The following SORCS1 variants were observed in gnomAD, a reference collection of about 807,000 sequenced individuals.
SORCS1 encodes VPS10 domain-containing receptor SorCS1.
In SORCS1, 60 loss-of-function variants were observed where a neutral mutation model predicts 146.1. That is an observed-to-expected ratio of 0.41 (90% CI 0.33 to 0.51). The LOEUF (loss-of-function observed/expected upper bound fraction) is 0.51. Among genes scored for constraint, SORCS1 ranks in the 20% least tolerant of loss-of-function variants. SORCS1 has a pLI of 0.21. For synonymous variants in SORCS1, 637 were observed against 584.0 expected, an observed-to-expected ratio of 1.09 and a Z score of -1.31; for missense variants, 1,352 against 1,487.6, an observed-to-expected ratio of 0.91 and a Z score of 1.50.
intron 1 of SORCS1, among the ~76,000 whole-genome samples, chr10:107,134,933 G>A (rs1271331575): frequency 6.6e-6 from 1 of 152,164 alleles, no homozygotes; most frequent in Non-Finnish European, 1.5e-5. Context: ...AGAAAAAGGT[G>A]CTGTGGGAAT....
chr10:107,134,554 G>GAC (rs1967120236), intron 1 of SORCS1, among the ~76,000 whole-genome samples: 1 of 152,094 alleles, frequency 6.6e-6, no homozygotes, highest in African/African-American at 2.4e-5. Context: ...CAGGAGAATG[G>GAC]CTTGAACCTG....
chr10:106,871,710 A>G lies in SORCS1; in HGVS notation c.627-42037T>C, dbSNP rs927571337. Among the ~76,000 whole-genome samples, 4 of 152,204 alleles carry G rather than the reference A, an allele frequency of 2.6e-5. No homozygotes were observed. The South Asian group carries it at 6.2e-4, about 24-fold the overall frequency. ...AAATGATGAGCACTCATGAACACCAACAAGGGAATAATAGATTCTGGGGTG... is the reference window on the plus strand; with the variant it reads ...AAATGATGAGCACTCATGAACACCAGCAAGGGAATAATAGATTCTGGGGTG... On this transcript the variant is annotated intron_variant, in intron 2 of 25. Transcript: ENST00000263054.
chr10:106,872,873 AAAATT>A (rs1326460088), intron 2 of SORCS1, among the ~76,000 whole-genome samples: 1 of 152,204 alleles, frequency 6.6e-6, no homozygotes, highest in African/African-American at 2.4e-5. Flanking sequence ...CATGTTTCTT[AAAATT>A]AACATAATTT....
chr10:106,953,839 G>T (rs963452814), intron 2 of SORCS1, among the ~76,000 whole-genome samples: 4 of 152,136 alleles, frequency 2.6e-5, no homozygotes, highest in African/African-American at 9.7e-5. Context: ...TGGTGTCATT[G>T]ACTGAAATGG....
rs1313873621 is a variant in SORCS1 at position 106,851,781 on chromosome 10, C to A, written c.627-22108G>T. On this transcript the variant is annotated intron_variant, in intron 2 of 25. Transcript: ENST00000263054. ...TTGAGATTGTGTTGAATCTATAGATCAAGTTGAGAAGAACTGACATCTTGG... is the reference window on the plus strand; with the variant it reads ...TTGAGATTGTGTTGAATCTATAGATAAAGTTGAGAAGAACTGACATCTTGG... 2.0e-5 allele frequency among the ~76,000 whole-genome samples: 3 copies of A among 152,180 alleles called. No individual in the cohort carries two copies. The East Asian group carries it at 5.8e-4, about 29-fold the overall frequency.
chr10:107,150,910 C>A (rs1565109684), intron 1 of SORCS1, among the ~76,000 whole-genome samples: 1 of 152,196 alleles, frequency 6.6e-6, no homozygotes, highest in Non-Finnish European at 1.5e-5. Flanking sequence ...GTCAATTAAA[C>A]CTCTTTCCTT....
At position 106,591,917 on chromosome 10, in the gene SORCS1, C is replaced by T. The variant is rs188594241; in HGVS notation, c.3265+5434G>A. ...TCCAATCTGGAATATCATGAGTAGA[C>T]GTACACTTTGGTCAAGACAGCAGTG... On this transcript the variant is annotated intron_variant, in intron 24 of 25. Transcript: ENST00000263054. Among the ~76,000 whole-genome samples, 126 of 152,258 alleles carry T rather than the reference C, an allele frequency of 8.3e-4. 2 individuals carry two copies. Among genetic ancestry groups the T allele is most frequent in the East Asian group, 3.9e-4 (2 of 5,180 alleles).
chr10:106,796,378 G>A (rs1328784563), intron 3 of SORCS1, among the ~76,000 whole-genome samples: 1 of 152,114 alleles, frequency 6.6e-6, no homozygotes, highest in African/African-American at 2.4e-5. Flanking sequence ...AAATTTTCAA[G>A]AAGATGTAGA....
chr10:107,109,679 G>A (rs1164353987), intron 1 of SORCS1, among the ~76,000 whole-genome samples: 1 of 152,162 alleles, frequency 6.6e-6, no homozygotes, highest in South Asian at 2.1e-4. Flanking sequence ...TTTTAGTTAT[G>A]CAAATTTCTC....
At chr10:107,126,426 CA>C (rs1202019886) in intron 1 of SORCS1, among the ~76,000 whole-genome samples, 1 of 152,142 alleles carries the variant, frequency 6.6e-6, no homozygotes, top group Non-Finnish European at 1.5e-5. Flanking sequence ...CTTCGATAGA[CA>C]GGTATCTACC....
intron 5 of SORCS1, among the ~76,000 whole-genome samples, chr10:106,760,405 C>T (rs1348846195): frequency 7.3e-5 from 10 of 136,726 alleles, no homozygotes; most frequent in African/African-American, 2.2e-4. Flanking sequence ...GATCAGACCA[C>T]TGCACTCCAG....
At chr10:106,878,499 A>G (rs1950678097) in intron 2 of SORCS1, among the ~76,000 whole-genome samples, 1 of 151,100 alleles carries the variant, frequency 6.6e-6, no homozygotes. Flanking sequence ...CTGCCATGTG[A>G]GGATATCATC....
chr10:106,840,585 G>C (rs1564720515), intron 2 of SORCS1, among the ~76,000 whole-genome samples: 1 of 152,050 alleles, frequency 6.6e-6, no homozygotes, highest in Non-Finnish European at 1.5e-5. Context: ...GTAATGGCAG[G>C]ATGTGAGAGA....
At chr10:106,985,432 C>T (rs1478180627) in intron 1 of SORCS1, among the ~76,000 whole-genome samples, 1 of 151,878 alleles carries the variant, frequency 6.6e-6, no homozygotes, top group African/African-American at 2.4e-5. Flanking sequence ...ACTCTAAATG[C>T]CTTGAAGAAA....
intron 2 of SORCS1, among the ~76,000 whole-genome samples, chr10:106,895,447 C>G (rs1282492543): frequency 6.6e-6 from 1 of 152,078 alleles, no homozygotes; most frequent in Non-Finnish European, 1.5e-5. Context: ...CTGGTCTCTA[C>G]TAAACATACA....
intron 2 of SORCS1, among the ~76,000 whole-genome samples, chr10:106,923,596 G>A (rs973923061): frequency 6.6e-6 from 1 of 152,210 alleles, no homozygotes; most frequent in Non-Finnish European, 1.5e-5. Context: ...GAGAATGAGA[G>A]TTGCTGTTGC....
intron 1 of SORCS1, among the ~76,000 whole-genome samples, chr10:107,033,888 C>G (rs921615752): frequency 2.0e-5 from 3 of 152,124 alleles, no homozygotes; most frequent in Admixed American, 2.0e-4. Flanking sequence ...GGTGAGGGAG[C>G]CTAGAGCTGG....
In SORCS1 at chr10:106,744,349, C is replaced by A. The variant is rs568216203; in HGVS notation, c.960-14235G>T. On this transcript the variant is annotated intron_variant, in intron 5 of 25. Transcript: ENST00000263054. ...CTCAATCTCCTGACCTCGTGATCCG[C>A]CCACCTCGGCCTCTCAAAGTCCTGG... is the stretch of plus-strand genomic sequence containing the variant. Among the ~76,000 whole-genome samples, 3 of 152,264 alleles carry A rather than the reference C, an allele frequency of 2.0e-5. No homozygotes were observed. The South Asian group carries it at 6.2e-4, about 32-fold the overall frequency.
chr10:106,912,508 G>C (rs1952216149), intron 2 of SORCS1, among the ~76,000 whole-genome samples: 1 of 152,106 alleles, frequency 6.6e-6, no homozygotes, highest in African/African-American at 2.4e-5. Flanking sequence ...GAGCACCTAA[G>C]CCCACAAAAT....
Sources: gnomAD v4.1 joint callset for allele counts (sites outside exome capture counted in the v4.1 genomes callset) on GRCh38, gnomAD v4.1.1 for gene constraint, MANE v1.5 for transcripts, NCBI Gene and HGNC (gene_info 2026-07-23, HGNC 2026-07-21) for gene names.